Variants in STK3 observed in about 807,000 individuals in gnomAD.
The protein encoded by STK3 is serine/threonine kinase 3, also known as serine/threonine-protein kinase 3.
In STK3, 41 loss-of-function variants were observed where a neutral mutation model predicts 58.0. The ratio of observed to expected loss-of-function variants is 0.71; its 90% confidence interval spans 0.55 to 0.92. STK3 has a LOEUF of 0.92. Among genes scored for constraint, STK3 ranks in the 40% least tolerant of loss-of-function variants. The pLI, the probability that STK3 is intolerant of heterozygous loss-of-function variation, is 0.00. For missense variants in STK3, 479 were observed against 602.7 expected (o/e 0.79, Z 2.15); for synonymous variants, 170 against 191.0 (o/e 0.89, Z 0.91).
intron 10 of STK3, among the ~76,000 whole-genome samples, chr8:98,498,927 T>A (rs1387492436): frequency 1.3e-5 from 2 of 152,228 alleles, no homozygotes; most frequent in Non-Finnish European, 2.9e-5. Context: ...AATCTCTGAA[T>A]GTTACCTCAT....
chr8:98,695,522 T>C (rs997089216), intron 6 of STK3, among the ~76,000 whole-genome samples: 17 of 152,356 alleles, frequency 1.1e-4, no homozygotes, highest in African/African-American at 4.1e-4. Flanking sequence ...TTAATTTTTG[T>C]ATAAGTTGTA....
At chr8:98,754,943 C>A (rs1451094718) in intron 3 of STK3, among the ~76,000 whole-genome samples, 1 of 152,174 alleles carries the variant, frequency 6.6e-6, no homozygotes, top group Non-Finnish European at 1.5e-5. Flanking sequence ...CACTAATCAG[C>A]AATGCTAAGG....
At position 98,423,334 on chromosome 8, in the gene STK3, C is replaced by G. The variant is rs1459428037; in HGVS notation, n.483+10793G>C. On this transcript the variant is annotated intron_variant and non_coding_transcript_variant, in intron 3 of 3. Transcript: ENST00000517832. ...CTGAGTGGCAAGAAGGGGCCTGCCCCGTGAACCGCCATGCCAAGCAGGGAG... is the reference window on the plus strand; with the variant it reads ...CTGAGTGGCAAGAAGGGGCCTGCCCGGTGAACCGCCATGCCAAGCAGGGAG... Among the ~76,000 whole-genome samples the G allele has an allele frequency of 1.3e-5, 2 of 152,228 alleles. 1 individual carries two copies. The highest frequency in any genetic ancestry group is 2.9e-5 in the Non-Finnish European group (2 of 68,040).
chr8:98,623,282 G>A (rs1332689416), intron 6 of STK3, among the ~76,000 whole-genome samples: 2 of 152,146 alleles, frequency 1.3e-5, no homozygotes, highest in African/African-American at 4.8e-5. Context: ...GATATTGACT[G>A]TTACGGACTG....
At chr8:98,904,089 C>T (rs1307090201) in intron 1 of STK3, among the ~76,000 whole-genome samples, 2 of 152,066 alleles carry the variant, frequency 1.3e-5, no homozygotes. Context: ...TCAGCTAATG[C>T]TGTACCACGA....
chr8:98,393,990 A>T (rs1189825856), intron 3 of STK3, among the ~76,000 whole-genome samples: 1 of 152,184 alleles, frequency 6.6e-6, no homozygotes, highest in Non-Finnish European at 1.5e-5. Flanking sequence ...TTTGTCTACC[A>T]TTTCTTGGGA....
intron 6 of STK3, among the ~76,000 whole-genome samples, chr8:98,602,458 A>G (rs1207787457): frequency 2.0e-5 from 3 of 152,242 alleles, no homozygotes; most frequent in African/African-American, 7.2e-5. Flanking sequence ...CTAGATCTTG[A>G]ACTTCCAAGC....
At chr8:98,659,155 A>C (rs1466952847) in intron 6 of STK3, among the ~76,000 whole-genome samples, 1 of 152,078 alleles carries the variant, frequency 6.6e-6, no homozygotes, top group Non-Finnish European at 1.5e-5. Flanking sequence ...TATTTCCATC[A>C]TTAAGCAATG....
intron 1 of STK3, among the ~76,000 whole-genome samples, chr8:98,441,114 T>C (rs907433277): frequency 1.3e-5 from 2 of 152,230 alleles, no homozygotes; most frequent in Non-Finnish European, 2.9e-5. Flanking sequence ...AATTCCACGA[T>C]AGTTGAAATC....
intron 1 of STK3, among the ~76,000 whole-genome samples, chr8:98,812,171 A>C (rs574431123): frequency 6.6e-6 from 1 of 152,260 alleles, no homozygotes; most frequent in East Asian, 1.9e-4. Flanking sequence ...ATAAATATTT[A>C]GCAAATGTTT....
At chr8:98,714,804 A>C (rs1442267191) in intron 4 of STK3, among the ~76,000 whole-genome samples, 1 of 152,336 alleles carries the variant, frequency 6.6e-6, no homozygotes. Flanking sequence ...TATGGAACCC[A>C]AAAAGAGCCC....
intron 4 of STK3, among the ~76,000 whole-genome samples, chr8:98,709,578 G>T (rs769711379): frequency 1.3e-5 from 2 of 152,088 alleles, no homozygotes; most frequent in Non-Finnish European, 2.9e-5. Flanking sequence ...CAACAGGATT[G>T]TAACAGGTTA....
chr8:98,845,464 A>G lies in STK3; in HGVS notation c.110+38183T>C, dbSNP rs1836166227. On this transcript the variant is annotated intron_variant, in intron 3 of 12. Coordinates refer to the STK3 transcript ENST00000523601. Reference sequence around the variant, plus strand: ...GAATGCCATTCTTTTGACATCACACATGACAGCACTCCCACCCTCAGTTTC... The same window carrying G: ...GAATGCCATTCTTTTGACATCACACGTGACAGCACTCCCACCCTCAGTTTC... Among the ~76,000 whole-genome samples, 3 of 152,178 alleles carry G rather than the reference A, an allele frequency of 2.0e-5. No individual in the cohort carries two copies. In the South Asian group the frequency reaches 6.2e-4, roughly 32 times the overall value.
At chr8:98,514,261 G>A (rs1717761917) in intron 10 of STK3, among the ~76,000 whole-genome samples, 1 of 152,082 alleles carries the variant, frequency 6.6e-6, no homozygotes, top group South Asian at 2.1e-4. Context: ...AAACTACCCA[G>A]ACTTTTACTA....
chr8:98,585,725 T>G (rs1397774602), intron 7 of STK3, among the ~76,000 whole-genome samples: 1 of 152,136 alleles, frequency 6.6e-6, no homozygotes, highest in African/African-American at 2.4e-5. Context: ...TTCCTACCCA[T>G]GAGCATGGAA....
At chr8:98,628,238 G>A (rs1818883226) in intron 6 of STK3, among the ~76,000 whole-genome samples, 1 of 152,030 alleles carries the variant, frequency 6.6e-6, no homozygotes, top group South Asian at 2.1e-4. Context: ...ACAATCCTTC[G>A]CTCATGGCCT....
chr8:98,611,383 A>G (rs1398679644), intron 6 of STK3, among the ~76,000 whole-genome samples: 1 of 152,172 alleles, frequency 6.6e-6, no homozygotes, highest in Non-Finnish European at 1.5e-5. Context: ...ATCAAAGTCT[A>G]CAATCAGAAA....
rs6150725 is a variant in STK3, at chr8:98,407,714, A to ATGTGTG, written n.484-6207_484-6202dup. Among the ~76,000 whole-genome samples the ATGTGTG allele has an allele frequency of 3.6e-3, 497 of 137,152 alleles. 2 individuals carry two copies. Among genetic ancestry groups the ATGTGTG allele is most frequent in the African/African-American group, 0.013 (452 of 34,872 alleles). 90.0% of individuals were successfully genotyped at this position (137,152 alleles called of 152,430 possible). A position where few individuals can be genotyped will look rare whatever the true frequency, so the allele number is the denominator to read the frequency against. Reference sequence around the variant, plus strand: ...CCTTCTAGCCCACTCAGATGAGTGCATGTGTGTGTGTGTGTGTGTGTGTGT... The same window carrying ATGTGTG: ...CCTTCTAGCCCACTCAGATGAGTGCATGTGTGTGTGTGTGTGTGTGTGTGTGTGTGT... On this transcript the variant is annotated intron_variant and non_coding_transcript_variant, in intron 3 of 3. Coordinates refer to the STK3 transcript ENST00000517832.
intron 8 of STK3, among the ~76,000 whole-genome samples, chr8:98,568,070 TA>T (rs1319572532): frequency 8.1e-6 from 1 of 124,010 alleles, no homozygotes; most frequent in African/African-American, 2.9e-5. Context: ...AGATGATAGA[TA>T]GATAGATAGA....
Sources: allele counts gnomAD v4.1 joint callset (sites outside exome capture counted in the v4.1 genomes callset), GRCh38; gene constraint gnomAD v4.1.1; transcripts MANE v1.5; gene names NCBI Gene and HGNC (gene_info 2026-07-23, HGNC 2026-07-21).